USP12: variants seen among roughly 807,000 people sequenced by gnomAD.
USP12 encodes the protein ubiquitin carboxyl-terminal hydrolase 12.
USP12 carries 19 observed loss-of-function variants against 45.5 expected under a neutral mutation model. The ratio of observed to expected loss-of-function variants is 0.42; its 90% confidence interval spans 0.29 to 0.61. The LOEUF (loss-of-function observed/expected upper bound fraction) is 0.61. Among genes scored for constraint, USP12 ranks in the 20% least tolerant of loss-of-function variants. The pLI is 0.22. For synonymous variants in USP12, 149 were observed against 148.8 expected, an observed-to-expected ratio of 1.00 and a Z score of -0.01; for missense variants, 242 against 447.7, an observed-to-expected ratio of 0.54 and a Z score of 4.15.
chr13:27,153,819 T>G (rs1459114255), intron 1 of USP12, among the ~76,000 whole-genome samples: 2 of 152,232 alleles, frequency 1.3e-5, no homozygotes, highest in Admixed American at 1.3e-4. Flanking sequence ...ATCTCTTTTC[T>G]TAGCCTCTCT....
intron 6 of USP12, among the ~76,000 whole-genome samples, chr13:27,080,748 G>T (rs991099552): frequency 6.6e-6 from 1 of 152,138 alleles, no homozygotes; most frequent in Non-Finnish European, 1.5e-5. Context: ...AGTGAAGACC[G>T]CAATAAAGCA....
intron 6 of USP12, among the ~76,000 whole-genome samples, chr13:27,082,502 T>C (rs1873804658): frequency 6.6e-6 from 1 of 152,202 alleles, no homozygotes; most frequent in African/African-American, 2.4e-5. Context: ...TTCTTATCAT[T>C]TGTGGGTTCA....
intron 1 of USP12, among the ~76,000 whole-genome samples, chr13:27,162,541 G>A (rs1878157403): frequency 6.6e-6 from 1 of 152,132 alleles, no homozygotes; most frequent in Non-Finnish European, 1.5e-5. Flanking sequence ...TCTTCAAGAT[G>A]ACAGATAGAG....
intron 6 of USP12, among the ~76,000 whole-genome samples, chr13:27,088,494 A>AT (rs1874172822): frequency 6.6e-6 from 1 of 151,798 alleles, no homozygotes; most frequent in Admixed American, 6.6e-5. Flanking sequence ...GATTTTGGAC[A>AT]TGTTCCCACC....
At chr13:27,090,652 ATCT>A (rs1275792576) in intron 4 of USP12, among the ~76,000 whole-genome samples, 3 of 152,164 alleles carry the variant, frequency 2.0e-5, no homozygotes, top group East Asian at 1.9e-4. Flanking sequence ...TGGGTAAATA[ATCT>A]TCTTATAAAG....
chr13:27,145,695 GTTGT>G (rs1877276806), intron 1 of USP12, among the ~76,000 whole-genome samples: 1 of 151,950 alleles, frequency 6.6e-6, no homozygotes, highest in South Asian at 2.1e-4. Flanking sequence ...GTTTCATAAA[GTTGT>G]TTATCTAGTT....
intron 1 of USP12, among the ~76,000 whole-genome samples, chr13:27,161,085 T>C (rs1435891420): frequency 1.3e-5 from 2 of 152,170 alleles, no homozygotes; most frequent in Non-Finnish European, 2.9e-5. Context: ...TATTAAGATA[T>C]ACCTCCTAAC....
chr13:27,086,197 A>AATAT (rs1555233236), intron 6 of USP12, among the ~76,000 whole-genome samples: 96 of 56,916 alleles, frequency 1.7e-3, no homozygotes, highest in African/African-American at 3.5e-3. Context: ...AAAAAAAAAA[A>AATAT]ATATATATAT....
chr13:27,148,179 T>C (rs188199181), intron 1 of USP12, among the ~76,000 whole-genome samples: 2 of 151,614 alleles, frequency 1.3e-5, no homozygotes, highest in African/African-American at 2.4e-5. Context: ...GTTGTTCCTA[T>C]GCTAACAGAC....
At chr13:27,073,359 C>G (rs1274186616) in intron 7 of USP12, among the ~76,000 whole-genome samples, 55 of 152,214 alleles carry the variant, frequency 3.6e-4, no homozygotes, top group Admixed American at 3.6e-3. Context: ...GGGATTCAGA[C>G]AGCTGGCAAG....
chr13:27,121,736 C>G (rs1876000954), intron 1 of USP12, among the ~76,000 whole-genome samples: 1 of 152,014 alleles, frequency 6.6e-6, no homozygotes, highest in African/African-American at 2.4e-5. Context: ...TGGCAGGCAC[C>G]TGTAGTCCCA....
At chr13:27,141,888 AAC>A (rs1877076589) in intron 1 of USP12, among the ~76,000 whole-genome samples, 1 of 152,164 alleles carries the variant, frequency 6.6e-6, no homozygotes, top group South Asian at 2.1e-4. Flanking sequence ...TTGAAGTCAA[AAC>A]ACACTGAAAG....
At chr13:27,090,197 CTAG>C (rs1376767737) in intron 4 of USP12, 39 bp from the exon 5 acceptor site, 2 of 1,509,254 alleles carry the variant, frequency 1.3e-6, no homozygotes, top group Admixed American at 3.5e-5. Context: ...TTTTCAAATA[CTAG>C]TAAACCACAG....
At chr13:27,092,935 G>A (rs1371275218) in intron 4 of USP12, among the ~76,000 whole-genome samples, 4 of 152,110 alleles carry the variant, frequency 2.6e-5, no homozygotes, top group African/African-American at 7.2e-5. Flanking sequence ...GGTGGCTCAC[G>A]CCTGTAATTC....
At chr13:27,104,633 A>T (rs488119) in intron 3 of USP12, among the ~76,000 whole-genome samples, 116,104 of 152,196 alleles carry the variant, frequency 0.76, 45,235 homozygotes, top group East Asian at 0.95. Context: ...ATGTGGGGAA[A>T]ATGAACAAAT....
intron 3 of USP12, among the ~76,000 whole-genome samples, chr13:27,098,835 G>C (rs1406247429): frequency 6.6e-6 from 1 of 152,136 alleles, no homozygotes; most frequent in Admixed American, 6.5e-5. Flanking sequence ...AGGGAATGCT[G>C]GGCAACGGTT....
At chr13:27,164,003 C>A (rs947202248) in intron 1 of USP12, among the ~76,000 whole-genome samples, 1 of 151,794 alleles carries the variant, frequency 6.6e-6, no homozygotes, top group African/African-American at 2.4e-5. Flanking sequence ...GTTCTCAGAA[C>A]CTACATGCAG....
At chr13:27,115,732 A>ACTGG (rs1183916692) in intron 2 of USP12, among the ~76,000 whole-genome samples, 1 of 152,152 alleles carries the variant, frequency 6.6e-6, no homozygotes, top group Non-Finnish European at 1.5e-5. Flanking sequence ...CTCCATAAGA[A>ACTGG]CTGGGATGTG....
At chr13:27,164,233 G>A (rs1484580889) in intron 1 of USP12, among the ~76,000 whole-genome samples, 48 of 152,202 alleles carry the variant, frequency 3.2e-4, no homozygotes, top group Admixed American at 2.9e-3. Flanking sequence ...TAGAGAATGT[G>A]TGGATGCTTC....
Sources: allele counts gnomAD v4.1 joint callset (sites outside exome capture counted in the v4.1 genomes callset), GRCh38; gene constraint gnomAD v4.1.1; transcripts MANE v1.5; gene names NCBI Gene and HGNC (gene_info 2026-07-23, HGNC 2026-07-21).